TXNRD1: variants seen among roughly 807,000 people sequenced by gnomAD.
The protein encoded by TXNRD1 is thioredoxin reductase 1, cytoplasmic.
TXNRD1 carries 57 observed loss-of-function variants against 80.3 expected under a neutral mutation model. The observed-to-expected ratio is 0.71, with a 90% CI of 0.57 to 0.89. The LOEUF is 0.89. Ranked by LOEUF, TXNRD1 falls within the 40% of genes least tolerant of loss-of-function variation. TXNRD1 has a pLI of 0.00. For missense variants in TXNRD1, 730 were observed against 803.0 expected (o/e 0.91, Z 1.10); for synonymous variants, 291 against 285.2 (o/e 1.02, Z -0.20).
intron 3 of TXNRD1, among the ~76,000 whole-genome samples, chr12:104,273,829 A>G (rs999219950): frequency 6.6e-6 from 1 of 152,092 alleles, no homozygotes; most frequent in Non-Finnish European, 1.5e-5. Flanking sequence ...AAAAACATGA[A>G]TCAAGAGGTC....
intron 13 of TXNRD1, among the ~76,000 whole-genome samples, chr12:104,328,191 GA>G (rs2035832224): frequency 6.9e-6 from 1 of 144,800 alleles, no homozygotes; most frequent in Non-Finnish European, 1.5e-5. Context: ...AAAAAAAAAA[GA>G]AAATTGACAT....
intron 13 of TXNRD1, among the ~76,000 whole-genome samples, chr12:104,328,239 A>T (rs1260284208): frequency 6.7e-6 from 1 of 150,276 alleles, no homozygotes; most frequent in African/African-American, 2.5e-5. Flanking sequence ...AGCTTGATTA[A>T]TCAAGTTTTC....
chr12:104,317,364 ACTT>A (rs1256923152), intron 7 of TXNRD1, among the ~76,000 whole-genome samples: 2 of 103,198 alleles, frequency 1.9e-5, no homozygotes, highest in Admixed American at 1.2e-4. Context: ...ATCTGCAGTT[ACTT>A]TTTTTTTTTT....
At chr12:104,327,743 T>C (rs772915990) in intron 13 of TXNRD1, 72 bp downstream of exon 13, 1 of 1,519,336 alleles carries the variant, frequency 6.6e-7, no homozygotes. Flanking sequence ...TAGGGGGCAG[T>C]TGGGAAGTTT....
chr12:104,333,712 CCTTTCCTTCCCTATCTCCTTCCTT>C (rs910892223), intron 14 of TXNRD1, among the ~76,000 whole-genome samples: 20 of 152,260 alleles, frequency 1.3e-4, no homozygotes, highest in Middle Eastern at 3.4e-3. Flanking sequence ...CTTCCTTCCT[CCTTTCCTTCCCTATCTCCTTCCTT>C]CTTTCCTTCC....
chr12:104,325,082 C>G (rs373404519), intron 10 of TXNRD1, among the ~76,000 whole-genome samples: 1 of 152,280 alleles, frequency 6.6e-6, no homozygotes, highest in South Asian at 2.1e-4. Flanking sequence ...GCTTTTCCCC[C>G]CCATTTTTCT....
chr12:104,285,983 G>C (rs2033962883), intron 3 of TXNRD1: 1 of 152,230 alleles, frequency 6.6e-6, no homozygotes, highest in South Asian at 2.1e-4. Context: ...TAGTGTGTGT[G>C]TGTGCCCATT....
chr12:104,327,387 T>C, intron 12 of TXNRD1, 128 bp from the exon 13 acceptor site: 1 of 860,382 alleles, frequency 1.2e-6, no homozygotes, highest in Admixed American at 3.0e-5. Context: ...TTGTTTTATT[T>C]TTAACACATT....
At chr12:104,241,693 TTTTA>T (rs112014885) in intron 1 of TXNRD1, among the ~76,000 whole-genome samples, 6 of 151,264 alleles carry the variant, frequency 4.0e-5, no homozygotes, top group African/African-American at 1.5e-4. Flanking sequence ...TAAATTTTAC[TTTTA>T]TTTATTTATT....
rs573777956 is a variant in TXNRD1 at position 104,310,075 on chromosome 12, A to G, written c.415-1215A>G. The G allele has an allele frequency of 1.0e-4, 160 of 1,532,210 alleles. No homozygotes were observed. In the South Asian group the frequency reaches 1.7e-3, roughly 17 times the overall value. The allele number at this position is 1,532,210 out of a possible 1,614,324, so 94.9% of individuals were successfully genotyped here. A position where few individuals can be genotyped will look rare whatever the true frequency, so the allele number is the denominator to read the frequency against. On this transcript the variant is annotated intron_variant, in intron 4 of 16. Transcript: ENST00000525566. The stretch of plus-strand genomic sequence containing the variant: ...CACCCCCTACATCTGATAGTAGGCA[A>G]GAGAGAAATGTGCAGTTTGGGCTGG...
rs537375814 is a variant in TXNRD1 at position 104,250,150 on chromosome 12, C to T, written c.92-1377C>T. ...TTTTGACAAGGTTGGCAAGATACAT[C>T]AATAGGGAAAGATTAGTCTTTTCAA... On this transcript the variant is annotated intron_variant, in intron 1 of 16. Transcript: ENST00000525566. Among the ~76,000 whole-genome samples, 256 of 152,114 alleles carry T rather than the reference C, an allele frequency of 1.7e-3. 3 individuals are homozygous for T. The highest frequency in any genetic ancestry group is 5.5e-3 in the African/African-American group (227 of 41,484).
chr12:104,293,484 G>T (rs921006489), intron 4 of TXNRD1, among the ~76,000 whole-genome samples: 1 of 152,154 alleles, frequency 6.6e-6, no homozygotes, highest in Non-Finnish European at 1.5e-5. Flanking sequence ...TTGAGACAAG[G>T]TCTGGCTCTA....
At chr12:104,277,977 C>T (rs2033791660) in intron 3 of TXNRD1, among the ~76,000 whole-genome samples, 1 of 150,906 alleles carries the variant, frequency 6.6e-6, no homozygotes, top group Admixed American at 6.6e-5. Flanking sequence ...CCCGGGTTCA[C>T]TCCATTCTCC....
At chr12:104,254,644 A>AAAAAAAAAAAAAAT in intron 2 of TXNRD1, among the ~76,000 whole-genome samples, 86 of 93,618 alleles carry the variant, frequency 9.2e-4, no homozygotes, top group Non-Finnish European at 1.3e-3. Flanking sequence ...AAAAAAAAAA[A>AAAAAAAAAAAAAAT]ATATATATAT....
chr12:104,241,919 T>C (rs1380630388), intron 1 of TXNRD1, among the ~76,000 whole-genome samples: 1 of 150,244 alleles, frequency 6.7e-6, no homozygotes, highest in Non-Finnish European at 1.5e-5. Context: ...TTAACATCTT[T>C]TATTTTTTAT....
At chr12:104,246,119 CAA>C (rs34505052) in intron 1 of TXNRD1, among the ~76,000 whole-genome samples, 4,732 of 82,786 alleles carry the variant, frequency 0.057, 322 homozygotes, top group African/African-American at 0.2. Context: ...GACTCTGTCT[CAA>C]AAAAAAAAAA....
At chr12:104,256,841 C>A (rs2033262701) in intron 2 of TXNRD1, among the ~76,000 whole-genome samples, 1 of 149,776 alleles carries the variant, frequency 6.7e-6, no homozygotes, top group South Asian at 2.1e-4. Flanking sequence ...TATGAATGAA[C>A]ATATTTTCCC....
intron 1 of TXNRD1, among the ~76,000 whole-genome samples, chr12:104,226,264 G>C (rs1215955043): frequency 6.6e-6 from 1 of 152,096 alleles, no homozygotes; most frequent in Non-Finnish European, 1.5e-5. Context: ...TTATATTTAG[G>C]GACAGGTAGA....
chr12:104,326,356 G>T lies in TXNRD1; in HGVS notation c.1318G>T (p.Ala440Ser). The T allele has an allele frequency of 7.6e-6, 12 of 1,588,360 alleles. No individual in the cohort carries two copies. Among genetic ancestry groups the T allele is most frequent in the Non-Finnish European group, 1.0e-5 (12 of 1,169,402 alleles). Reference protein sequence around the residue: ...IEGEYNTVMLAIGRDACTRKI... With the variant: ...IEGEYNTVMLSIGRDACTRKI... ...ATTAATAATTTTTCAGGTGATGCTGGCAATAGGAAGAGATGCTTGCACAAG... is the reference window on the plus strand; with the variant it reads ...ATTAATAATTTTTCAGGTGATGCTGTCAATAGGAAGAGATGCTTGCACAAG... The change falls in exon 12 of 17, where the codon GCA becomes TCA. Residue 440 changes from alanine (A) to serine (S), a missense_variant. By Grantham distance (99) the Ala-to-Ser change is moderately conservative. Coordinates refer to ENST00000525566, the MANE Select transcript of TXNRD1 (RefSeq NM_001093771.3).
Sources: allele counts gnomAD v4.1 joint callset (sites outside exome capture counted in the v4.1 genomes callset), GRCh38; gene constraint gnomAD v4.1.1; transcripts MANE v1.5; gene names NCBI Gene and HGNC (gene_info 2026-07-23, HGNC 2026-07-21).